Variants in GALNTL6 observed in about 807,000 individuals in gnomAD.
GALNTL6 encodes the protein polypeptide N-acetylgalactosaminyltransferase-like 6.
A neutral mutation model predicts 73.7 loss-of-function variants in GALNTL6; 46 were observed. That is an observed-to-expected ratio of 0.62 (90% CI 0.49 to 0.80). The LOEUF (loss-of-function observed/expected upper bound fraction) is 0.80, where lower values mean the gene tolerates loss of function less well. Ranked by LOEUF, GALNTL6 falls within the 30% of genes least tolerant of loss-of-function variation. GALNTL6 has a pLI of 0.00. For synonymous variants in GALNTL6, 259 were observed against 263.7 expected (o/e 0.98, Z 0.17); for missense variants, 604 against 755.0 (o/e 0.80, Z 2.34).
At chr4:171,854,883 C>A (rs1735641670) in intron 2 of GALNTL6, among the ~76,000 whole-genome samples, 1 of 152,148 alleles carries the variant, frequency 6.6e-6, no homozygotes. Flanking sequence ...ATGAATTTTG[C>A]AGACATACCC....
chr4:172,398,977 A>T (rs1743944407), intron 5 of GALNTL6, among the ~76,000 whole-genome samples: 2 of 152,152 alleles, frequency 1.3e-5, no homozygotes, highest in Admixed American at 1.3e-4. Context: ...AACACAAAAA[A>T]AATCAACCTT....
At chr4:172,065,677 C>T in intron 2 of GALNTL6, among the ~76,000 whole-genome samples, 1 of 152,080 alleles carries the variant, frequency 6.6e-6, no homozygotes, top group East Asian at 1.9e-4. Context: ...CTGTGTTAGT[C>T]CATTCTCACG....
chr4:172,091,307 T>C (rs1732196895), intron 2 of GALNTL6, among the ~76,000 whole-genome samples: 1 of 152,212 alleles, frequency 6.6e-6, no homozygotes, highest in Admixed American at 6.5e-5. Context: ...AATTTCAGAT[T>C]AGACTTTTAA....
chr4:172,207,717 C>G (rs986284176), intron 2 of GALNTL6, among the ~76,000 whole-genome samples: 2 of 152,114 alleles, frequency 1.3e-5, no homozygotes, highest in Non-Finnish European at 2.9e-5. Flanking sequence ...CTTGAATTCT[C>G]TGTCCCTCAA....
At chr4:172,413,976 C>G (rs1214875469) in intron 5 of GALNTL6, among the ~76,000 whole-genome samples, 1 of 152,048 alleles carries the variant, frequency 6.6e-6, no homozygotes, top group Non-Finnish European at 1.5e-5. Flanking sequence ...ACTTTATGAG[C>G]CTGTTTGTTT....
At chr4:172,876,991 C>T (rs1166971410) in intron 7 of GALNTL6, among the ~76,000 whole-genome samples, 2 of 152,078 alleles carry the variant, frequency 1.3e-5, no homozygotes, top group African/African-American at 2.4e-5. Context: ...GGAAACTGTG[C>T]CGTTTCATTG....
intron 5 of GALNTL6, among the ~76,000 whole-genome samples, chr4:172,613,659 C>T (rs1191905911): frequency 6.6e-6 from 1 of 152,078 alleles, no homozygotes; most frequent in East Asian, 1.9e-4. Context: ...AAATATTATG[C>T]CACATCGTTA....
intron 10 of GALNTL6, among the ~76,000 whole-genome samples, chr4:173,005,038 C>T (rs769960648): frequency 1.3e-5 from 2 of 152,144 alleles, no homozygotes; most frequent in Non-Finnish European, 2.9e-5. Flanking sequence ...GGCTCCTTGA[C>T]ATTTATGCCA....
chr4:172,892,158 A>G (rs1409711652), intron 8 of GALNTL6, among the ~76,000 whole-genome samples: 2 of 152,156 alleles, frequency 1.3e-5, no homozygotes, highest in East Asian at 1.9e-4. Flanking sequence ...AGACATTTCA[A>G]TGTGGTTAGG....
chr4:172,474,504 C>T (rs1432616394), intron 5 of GALNTL6, among the ~76,000 whole-genome samples: 1 of 152,160 alleles, frequency 6.6e-6, no homozygotes, highest in Non-Finnish European at 1.5e-5. Flanking sequence ...CATATACTAA[C>T]TGTACAGAAA....
chr4:172,915,328 A>G (rs2111275109), intron 8 of GALNTL6, among the ~76,000 whole-genome samples: 1 of 152,330 alleles, frequency 6.6e-6, no homozygotes, highest in Middle Eastern at 3.4e-3. Context: ...TAACATCACA[A>G]TCAAAAGAAC....
intron 10 of GALNTL6, among the ~76,000 whole-genome samples, chr4:172,966,408 T>C (rs1750328068): frequency 6.6e-6 from 1 of 152,204 alleles, no homozygotes; most frequent in East Asian, 1.9e-4. Flanking sequence ...TCTTTTTTTT[T>C]TTTTGAGATG....
intron 7 of GALNTL6, among the ~76,000 whole-genome samples, chr4:172,843,230 TGA>T (rs1743312395): frequency 6.6e-6 from 1 of 152,192 alleles, no homozygotes; most frequent in Non-Finnish European, 1.5e-5. Flanking sequence ...TGGAGGTTCT[TGA>T]TTAGAGGCTA....
intron 7 of GALNTL6, among the ~76,000 whole-genome samples, chr4:172,851,562 C>T (rs1038186952): frequency 6.6e-6 from 1 of 152,110 alleles, no homozygotes; most frequent in African/African-American, 2.4e-5. Context: ...CAAGAACCTT[C>T]TTTAAGGCCA....
Position 172,601,520 on chromosome 4 carries a change from G to C in GALNTL6, c.554-207841G>C, listed in dbSNP as rs555480982. Among the ~76,000 whole-genome samples, 3 of 152,244 alleles carry C rather than the reference G, an allele frequency of 2.0e-5. No homozygotes were observed. In the East Asian group the frequency reaches 5.8e-4, roughly 29 times the overall value. ...GACCCTCTCTTGCTTCCTCTCTCAC[G>C]ATGGATCACTTTGTATGTGCCAACT... On this transcript the variant is annotated intron_variant, in intron 5 of 12. Coordinates refer to ENST00000506823, the MANE Select transcript of GALNTL6 (RefSeq NM_001034845.3).
intron 2 of GALNTL6, among the ~76,000 whole-genome samples, chr4:171,957,542 G>A (rs563248440): frequency 4.6e-5 from 7 of 152,286 alleles, no homozygotes; most frequent in South Asian, 4.1e-4. Flanking sequence ...CATTAAATGC[G>A]TGGAGGAACA....
intron 5 of GALNTL6, among the ~76,000 whole-genome samples, chr4:172,478,745 G>A (rs1008852818): frequency 6.6e-6 from 1 of 152,018 alleles, no homozygotes; most frequent in East Asian, 1.9e-4. Context: ...AAATATTTAT[G>A]AACTATACTT....
At chr4:172,435,387 A>G (rs116836981) in intron 5 of GALNTL6, among the ~76,000 whole-genome samples, 131 of 152,276 alleles carry the variant, frequency 8.6e-4, no homozygotes, top group Middle Eastern at 6.8e-3. Context: ...GAACTTAGTT[A>G]AGGTATGCTG....
In GALNTL6 at chr4:172,322,481, ACTAC is replaced by A. The variant is rs571685010; in HGVS notation, c.386+10732_386+10735del. Among the ~76,000 whole-genome samples, 159 of 152,306 alleles carry A rather than the reference ACTAC, an allele frequency of 1.0e-3. 1 individual carries two copies. Among genetic ancestry groups the A allele is most frequent in the Admixed American group, 2.0e-3 (30 of 15,288 alleles). Reference sequence around the variant, plus strand: ...ATTTATACTCACATTACTATAAGGAACTACCTGAGACTGGGTAACTTATAAAGAA... The same window carrying A: ...ATTTATACTCACATTACTATAAGGAACTGAGACTGGGTAACTTATAAAGAA... On this transcript the variant is annotated intron_variant, in intron 4 of 12. Coordinates refer to ENST00000506823, the MANE Select transcript of GALNTL6 (RefSeq NM_001034845.3).
Sources: gnomAD v4.1 joint callset for allele counts (sites outside exome capture counted in the v4.1 genomes callset) on GRCh38, gnomAD v4.1.1 for gene constraint, MANE v1.5 for transcripts, NCBI Gene and HGNC (gene_info 2026-07-23, HGNC 2026-07-21) for gene names.